PCNX2: variants seen among roughly 807,000 people sequenced by gnomAD.
PCNX2 encodes the protein pecanex 2, also known as pecanex-like protein 2.
PCNX2 carries 168 observed loss-of-function variants against 223.8 expected under a neutral mutation model. The observed-to-expected ratio is 0.75, with a 90% confidence interval of 0.66 to 0.85. PCNX2 has a LOEUF of 0.85. Among genes scored for constraint, PCNX2 ranks in the 40% least tolerant of loss-of-function variants. The pLI is 0.00. For missense variants in PCNX2, 2,507 were observed against 2,675.5 expected, an observed-to-expected ratio of 0.94 and a Z score of 1.39; for synonymous variants, 1,006 against 1,052.6, an observed-to-expected ratio of 0.96 and a Z score of 0.86.
chr1:233,242,267 T>C lies in PCNX2; in HGVS notation c.2223-5287A>G, dbSNP rs1658815375. ...AAAGCCATGAATAAGTGAATTCAGA[T>C]AAATATTTATATTACCATCCTACTC... On this transcript the variant is annotated intron_variant, in intron 8 of 33. Coordinates refer to ENST00000258229, the MANE Select transcript of PCNX2 (RefSeq NM_014801.4). Among the ~76,000 whole-genome samples the C allele has an allele frequency of 2.6e-5, 4 of 152,206 alleles. No individual in the cohort carries two copies. In the South Asian group the frequency reaches 8.3e-4, roughly 32 times the overall value.
Position 233,263,770 on chromosome 1 carries a change from G to A in PCNX2, c.154-607C>T, listed in dbSNP as rs112119341. Among the ~76,000 whole-genome samples the A allele has an allele frequency of 4.9e-3, 741 of 152,214 alleles. 6 individuals are homozygous for A. Among genetic ancestry groups the A allele is most frequent in the African/African-American group, 0.017 (691 of 41,528 alleles). On this transcript the variant is annotated intron_variant, in intron 1 of 33. Transcript: ENST00000258229. ...TGTACCCGGCCTCCATGTTTGATAA[G>A]CTCTTATCTATGGCCTAATCCAATG...
chr1:233,286,842 C>T (rs1224059095), intron 1 of PCNX2, among the ~76,000 whole-genome samples: 7 of 152,164 alleles, frequency 4.6e-5, no homozygotes, highest in Middle Eastern at 3.4e-3. Flanking sequence ...CATCAGTCAA[C>T]GCATGAGGGA....
chr1:233,110,214 CAT>C (rs1167014891), intron 21 of PCNX2, among the ~76,000 whole-genome samples: 3 of 152,030 alleles, frequency 2.0e-5, no homozygotes, highest in African/African-American at 7.2e-5. Flanking sequence ...AAACAAAAGA[CAT>C]ATATTCAAAC....
intron 26 of PCNX2, chr1:233,018,932 A>G: frequency 2.0e-6 from 2 of 985,434 alleles, no homozygotes; most frequent in Non-Finnish European, 2.4e-6. Context: ...GACGGAAACG[A>G]AGTCTTCAGT....
intron 15 of PCNX2, among the ~76,000 whole-genome samples, chr1:233,188,477 C>G (rs1246951806): frequency 6.6e-6 from 1 of 152,142 alleles, no homozygotes; most frequent in Non-Finnish European, 1.5e-5. Context: ...CTGATTAGGT[C>G]AGACCCATTC....
the PCNX2 span, among the ~76,000 whole-genome samples, chr1:233,314,619 A>C: frequency 1.3e-5 from 2 of 152,204 alleles, no homozygotes; most frequent in African/African-American, 4.8e-5. Flanking sequence ...TTCAGTACCA[A>C]AGTTAATATG....
intron 6 of PCNX2, 60 bp downstream of exon 6, chr1:233,252,580 TA>T (rs1659522618): frequency 6.3e-7 from 1 of 1,587,930 alleles, no homozygotes; most frequent in Non-Finnish European, 8.6e-7. Context: ...CAGAAGCCAG[TA>T]AATGAGGCTG....
At chr1:233,231,701 G>C (rs562260811) in intron 9 of PCNX2, 1 of 979,628 alleles carries the variant, frequency 1.0e-6, no homozygotes, top group African/African-American at 1.8e-5. Context: ...GGGGAACTAC[G>C]TGTAACTCCT....
In PCNX2 at chr1:233,283,631, T is replaced by C. The variant is rs191678298; in HGVS notation, c.153+11695A>G. 1.4e-3 allele frequency among the ~76,000 whole-genome samples: 216 copies of C among 152,142 alleles called. 1 individual carries two copies. The highest frequency in any genetic ancestry group is 4.6e-3 in the African/African-American group (190 of 41,496). On this transcript the variant is annotated intron_variant, in intron 1 of 33. Coordinates refer to ENST00000258229, the MANE Select transcript of PCNX2 (RefSeq NM_014801.4). ...ATGATAGGAATAGATTATACTCCCA[T>C]TGAATTAAAAAATGAATTTGTGGGA...
rs540927230 is a variant in PCNX2, at chr1:233,258,060, G to A, written c.1802C>T (p.Ala601Val). 3.1e-6 allele frequency: 5 copies of A among 1,613,936 alleles called. No homozygotes were observed. The highest frequency in any genetic ancestry group is 3.3e-5 in the Admixed American group (2 of 60,026). ...MTASSQLNGS[A>V]EQNEESGLLR... ...AAGCCCACTTTCTTCATTCTGCTCA[G>A]CTGAGCCATTCAGTTGACTGGATGC... The change falls in exon 5 of 34, where the codon GCT becomes GTT. Residue 601 changes from alanine to valine, a missense_variant. Ala to Val is a moderately conservative substitution (Grantham distance 64, BLOSUM62 0). Coordinates refer to ENST00000258229, the MANE Select transcript of PCNX2 (RefSeq NM_014801.4).
At chr1:233,148,690 C>T (rs1641993401) in intron 19 of PCNX2, among the ~76,000 whole-genome samples, 1 of 152,190 alleles carries the variant, frequency 6.6e-6, no homozygotes, top group Non-Finnish European at 1.5e-5. Context: ...GCCTGAGCCA[C>T]CATGCCCGGC....
intron 21 of PCNX2, among the ~76,000 whole-genome samples, chr1:233,117,532 C>T (rs774337908): frequency 2.8e-5 from 4 of 145,240 alleles, no homozygotes; most frequent in African/African-American, 5.1e-5. Flanking sequence ...ACCCGGGAGG[C>T]GGAGCTTGCA....
intron 9 of PCNX2, among the ~76,000 whole-genome samples, chr1:233,229,032 T>C (rs180688322): frequency 1.9e-3 from 296 of 152,288 alleles, no homozygotes; most frequent in Non-Finnish European, 3.2e-3. Flanking sequence ...GACTTCTACA[T>C]TTGTCTTTGG....
chr1:233,156,593 CG>C (rs969544744), intron 19 of PCNX2, among the ~76,000 whole-genome samples: 3 of 151,974 alleles, frequency 2.0e-5, no homozygotes, highest in Admixed American at 6.6e-5. Context: ...TTTAGGTGGT[CG>C]GGGCAAGACT....
At chr1:233,094,154 T>C (rs1674027778) in intron 22 of PCNX2, among the ~76,000 whole-genome samples, 1 of 152,166 alleles carries the variant, frequency 6.6e-6, no homozygotes, top group Admixed American at 6.5e-5. Flanking sequence ...CAGATGCAAG[T>C]CCAAAGTTAT....
chr1:233,218,273 G>C (rs1404197783), intron 10 of PCNX2, 89 bp from the exon 11 acceptor site: 1 of 1,133,180 alleles, frequency 8.8e-7, no homozygotes, highest in Non-Finnish European at 1.2e-6. Context: ...TTCTGAGATG[G>C]AATCTTGCTC....
chr1:233,026,647 G>A (rs548801834), intron 25 of PCNX2, among the ~76,000 whole-genome samples: 2 of 152,318 alleles, frequency 1.3e-5, no homozygotes, highest in South Asian at 2.1e-4. Context: ...GCAGTCTGAT[G>A]AGAATTGTTG....
At chr1:233,091,460 G>A (rs965764041) in intron 22 of PCNX2, among the ~76,000 whole-genome samples, 1 of 152,110 alleles carries the variant, frequency 6.6e-6, no homozygotes, top group African/African-American at 2.4e-5. Flanking sequence ...ATAAAGGGGT[G>A]GGGGTGGAAG....
At chr1:233,220,566 T>C (rs1657307865) in intron 10 of PCNX2, among the ~76,000 whole-genome samples, 1 of 152,214 alleles carries the variant, frequency 6.6e-6, no homozygotes, top group Non-Finnish European at 1.5e-5. Flanking sequence ...ATATGCTTAT[T>C]TGTCATCTGT....
Sources: allele counts gnomAD v4.1 joint callset (sites outside exome capture counted in the v4.1 genomes callset), GRCh38; gene constraint gnomAD v4.1.1; transcripts MANE v1.5; gene names NCBI Gene and HGNC (gene_info 2026-07-23, HGNC 2026-07-21).